The following NKAIN3 variants were observed in gnomAD, a reference collection of about 807,000 sequenced individuals.
NKAIN3 encodes the protein sodium/potassium-transporting ATPase subunit beta-1-interacting protein 3.
Under a neutral mutation model 30.2 loss-of-function variants are expected in NKAIN3, and 25 were observed. The ratio of observed to expected loss-of-function variants is 0.83; its 90% CI spans 0.60 to 1.16. The LOEUF (loss-of-function observed/expected upper bound fraction) is 1.16, where lower values mean the gene tolerates loss of function less well. Among genes scored for constraint, NKAIN3 ranks in the 50% most tolerant of loss-of-function variants. NKAIN3 has a pLI of 0.00. For missense variants in NKAIN3, 225 were observed against 254.1 expected (o/e 0.89, Z 0.78); for synonymous variants, 91 against 89.6 (o/e 1.02, Z -0.09).
At chr8:62,606,268 T>C (rs1413293053) in intron 3 of NKAIN3, among the ~76,000 whole-genome samples, 1 of 152,054 alleles carries the variant, frequency 6.6e-6, no homozygotes, top group Admixed American at 6.6e-5. Context: ...GAGTTACAGA[T>C]TGTAACAATC....
At chr8:62,477,173 A>G (rs936092381) in intron 1 of NKAIN3, among the ~76,000 whole-genome samples, 5 of 152,180 alleles carry the variant, frequency 3.3e-5, no homozygotes, top group African/African-American at 1.2e-4. Context: ...ACACACATGG[A>G]GCTGAGCCAG....
intron 6 of NKAIN3, among the ~76,000 whole-genome samples, chr8:62,962,788 GGTGCTA>G (rs1424966426): frequency 1.3e-5 from 2 of 152,180 alleles, no homozygotes; most frequent in African/African-American, 4.8e-5. Flanking sequence ...GGCTGTGGGG[GGTGCTA>G]GTTGATAGGT....
intron 1 of NKAIN3, among the ~76,000 whole-genome samples, chr8:62,491,060 A>G (rs1397176036): frequency 6.6e-6 from 1 of 152,206 alleles, no homozygotes; most frequent in Non-Finnish European, 1.5e-5. Flanking sequence ...CAGTAGTGGT[A>G]AATGTTTACT....
intron 1 of NKAIN3, among the ~76,000 whole-genome samples, chr8:62,399,159 T>C (rs1817856976): frequency 6.6e-6 from 1 of 152,216 alleles, no homozygotes; most frequent in Non-Finnish European, 1.5e-5. Flanking sequence ...TTTGTTTCTA[T>C]TATCTGGAGA....
chr8:62,470,552 A>C (rs1049235900), intron 1 of NKAIN3, among the ~76,000 whole-genome samples: 2 of 152,122 alleles, frequency 1.3e-5, no homozygotes, highest in Admixed American at 6.5e-5. Context: ...TTTAGACACT[A>C]AATTAAGTCA....
intron 3 of NKAIN3, among the ~76,000 whole-genome samples, chr8:62,690,920 C>A (rs1438074768): frequency 1.3e-5 from 2 of 152,178 alleles, no homozygotes; most frequent in Non-Finnish European, 2.9e-5. Context: ...TTACCAATTT[C>A]CATTATGTGC....
chr8:62,271,644 T>C (rs1226884284), intron 1 of NKAIN3, among the ~76,000 whole-genome samples: 1 of 152,178 alleles, frequency 6.6e-6, no homozygotes, highest in Non-Finnish European at 1.5e-5. Flanking sequence ...TTTCAGGATA[T>C]GAAGGGTCTC....
chr8:62,310,707 G>A (rs946726642), intron 1 of NKAIN3, among the ~76,000 whole-genome samples: 2 of 150,240 alleles, frequency 1.3e-5, no homozygotes, highest in East Asian at 1.9e-4. Context: ...TTCCATTTGC[G>A]CATCCTCGGG....
chr8:62,333,235 G>T (rs1201200482), intron 1 of NKAIN3, among the ~76,000 whole-genome samples: 12 of 151,984 alleles, frequency 7.9e-5, no homozygotes. Flanking sequence ...AGGTAATTTT[G>T]AATTTGTGGT....
At chr8:62,663,726 T>G (rs889482294) in intron 3 of NKAIN3, among the ~76,000 whole-genome samples, 2 of 152,168 alleles carry the variant, frequency 1.3e-5, no homozygotes. Flanking sequence ...CTTTTCTGCT[T>G]TTTTCCGATA....
At chr8:62,407,250 G>GTA (rs371657257) in intron 1 of NKAIN3, among the ~76,000 whole-genome samples, 5,284 of 150,358 alleles carry the variant, frequency 0.035, 300 homozygotes, top group African/African-American at 0.11. Context: ...ACAGCTATAT[G>GTA]TATATATATA....
At chr8:62,593,569 A>G (rs1044654533) in intron 3 of NKAIN3, among the ~76,000 whole-genome samples, 2 of 152,068 alleles carry the variant, frequency 1.3e-5, no homozygotes, top group African/African-American at 4.8e-5. Flanking sequence ...AACAATACAA[A>G]TTATCAATTC....
intron 1 of NKAIN3, among the ~76,000 whole-genome samples, chr8:62,507,362 C>A (rs931415798): frequency 6.6e-6 from 1 of 152,122 alleles, no homozygotes; most frequent in South Asian, 2.1e-4. Context: ...CTGCACACAG[C>A]AGGCACTCAT....
In NKAIN3 at chr8:62,786,700, C is replaced by T. The variant is rs920447605; in HGVS notation, c.471+39571C>T. 2.0e-4 allele frequency among the ~76,000 whole-genome samples: 31 copies of T among 152,050 alleles called. 4 individuals carry two copies. Among genetic ancestry groups the T allele is most frequent in the Admixed American group, 1.9e-3 (29 of 15,240 alleles). ...TCCTATTTACAATGGGCTAGTAATC[C>T]CATAAATATTTATTGCTGAACTAAA... On this transcript the variant is annotated intron_variant, in intron 4 of 6. Transcript: ENST00000623646.
At chr8:62,833,216 C>CA (rs1292137438) in intron 4 of NKAIN3, among the ~76,000 whole-genome samples, 9 of 151,858 alleles carry the variant, frequency 5.9e-5, no homozygotes, top group Admixed American at 5.9e-4. Flanking sequence ...GTTTATAGTG[C>CA]AAAAAACCTA....
Position 62,373,186 on chromosome 8 carries a change from G to A in NKAIN3, c.54+124059G>A, listed in dbSNP as rs1816962261. On this transcript the variant is annotated intron_variant, in intron 1 of 6. Coordinates refer to ENST00000623646, the MANE Select transcript of NKAIN3 (RefSeq NM_001304533.3). ...TCATCCCAAATATTATCCCTTTTTG[G>A]TTCGGATAAATAGAGGTTACTCTAA... is the stretch of plus-strand genomic sequence containing the variant. Among the ~76,000 whole-genome samples the A allele has an allele frequency of 2.0e-5, 3 of 152,020 alleles. No individual in the cohort carries two copies. The South Asian group carries it at 6.2e-4, about 32-fold the overall frequency.
Position 62,380,647 on chromosome 8 carries a change from T to C in NKAIN3, c.54+131520T>C, listed in dbSNP as rs367556905. Among the ~76,000 whole-genome samples, 5 of 152,342 alleles carry C rather than the reference T, an allele frequency of 3.3e-5. No individual in the cohort carries two copies. The East Asian group carries it at 9.6e-4, about 29-fold the overall frequency. ...TGTAGGAAAGTGGTAGAAAAGGTTG[T>C]CTAAAGTTTGTTAGATAAGCAAGCT... On this transcript the variant is annotated intron_variant, in intron 1 of 6. Coordinates refer to ENST00000623646, the MANE Select transcript of NKAIN3 (RefSeq NM_001304533.3).
chr8:62,700,125 G>GA (rs1318286743), intron 3 of NKAIN3, among the ~76,000 whole-genome samples: 6 of 150,786 alleles, frequency 4.0e-5, no homozygotes, highest in Non-Finnish European at 5.9e-5. Context: ...ACCCTGTCTC[G>GA]AAAAAAAAAT....
At position 62,614,036 on chromosome 8, in the gene NKAIN3, A is replaced by G. The variant is rs531235537; in HGVS notation, c.273+24242A>G. 1.5e-4 allele frequency among the ~76,000 whole-genome samples: 23 copies of G among 152,022 alleles called. No homozygotes were observed. The East Asian group carries it at 4.5e-3, about 30-fold the overall frequency. ...TGGTCCCTGGTGCATTATTTAGTTC[A>G]TTTGGTGAGGTTATATTTTTCTGGA... is the stretch of plus-strand genomic sequence containing the variant. On this transcript the variant is annotated intron_variant, in intron 3 of 6. Transcript: ENST00000623646.
Sources: gnomAD v4.1 joint callset for allele counts (sites outside exome capture counted in the v4.1 genomes callset) on GRCh38, gnomAD v4.1.1 for gene constraint, MANE v1.5 for transcripts, NCBI Gene and HGNC (gene_info 2026-07-23, HGNC 2026-07-21) for gene names.